Variants in NAV3 observed in about 807,000 individuals in gnomAD.
NAV3 encodes neuron navigator 3.
In NAV3, 87 loss-of-function variants were observed where a neutral mutation model predicts 244.7. That is an observed-to-expected ratio of 0.36 (90% confidence interval 0.30 to 0.42). The LOEUF is 0.42. Ranked by LOEUF, NAV3 falls within the 20% of genes least tolerant of loss-of-function variation. The probability of loss-of-function intolerance (pLI) is 1.00; values close to 1 mark genes in which losing one functional copy is unlikely to be tolerated. For synonymous variants in NAV3, 1,126 were observed against 1,042.2 expected (o/e 1.08, Z -1.55); for missense variants, 2,663 against 2,893.3 (o/e 0.92, Z 1.83).
At chr12:77,842,267 G>T (rs1444060602) in intron 1 of NAV3, among the ~76,000 whole-genome samples, 3 of 151,982 alleles carry the variant, frequency 2.0e-5, no homozygotes, top group Non-Finnish European at 2.9e-5. Flanking sequence ...CATATAAAAA[G>T]CTCACTGTGG....
intron 1 of NAV3, among the ~76,000 whole-genome samples, chr12:77,860,559 TC>T (rs1879118399): frequency 6.6e-6 from 1 of 151,852 alleles, no homozygotes; most frequent in Non-Finnish European, 1.5e-5. Context: ...AATAGCCATC[TC>T]TAAAGTAGTG....
Position 78,188,616 on chromosome 12 carries a change from T to C in NAV3, c.5894T>C (p.Val1965Ala), listed in dbSNP as rs2139850052. ...GVIRRLFKEY[V>A]FRIDTSTSLG... ...TTGTGTGTACCATTGTAGGAATATGTATTCCGAATTGATACATCCACTAGC... is the reference window on the plus strand; with the variant it reads ...TTGTGTGTACCATTGTAGGAATATGCATTCCGAATTGATACATCCACTAGC... Residue 1965 changes from valine (V) to alanine (A), a missense_variant, in exon 33 of 40, where the codon GTA becomes GCA. Val to Ala is a moderately conservative substitution (Grantham distance 64). This residue lies in a region of NAV3 where 543 missense variants were observed against 672.4 expected (regional missense o/e 0.81). Coordinates refer to ENST00000397909, the MANE Select transcript of NAV3 (RefSeq NM_001024383.2). 1 of 1,610,600 alleles carries C rather than the reference T, an allele frequency of 6.2e-7. No homozygotes were observed. The highest frequency in any genetic ancestry group is 8.5e-7 in the Non-Finnish European group (1 of 1,178,352).
intron 39 of NAV3, among the ~76,000 whole-genome samples, chr12:78,208,231 C>A (rs1382169306): frequency 6.6e-6 from 1 of 152,054 alleles, no homozygotes; most frequent in Non-Finnish European, 1.5e-5. Flanking sequence ...CTTTAATAAC[C>A]TGCTCTCGCA....
chr12:78,164,633 G>T (rs1957703370), intron 23 of NAV3, among the ~76,000 whole-genome samples: 1 of 151,948 alleles, frequency 6.6e-6, no homozygotes, highest in Non-Finnish European at 1.5e-5. Flanking sequence ...TTACACTACT[G>T]GTATTTGGTC....
At chr12:77,894,993 T>G (rs1884407559) in intron 1 of NAV3, among the ~76,000 whole-genome samples, 1 of 152,224 alleles carries the variant, frequency 6.6e-6, no homozygotes, top group Non-Finnish European at 1.5e-5. Context: ...ATCCCTATTT[T>G]CTTGACTTCA....
At chr12:78,111,533 C>T (rs1955091850) in intron 12 of NAV3, among the ~76,000 whole-genome samples, 1 of 152,034 alleles carries the variant, frequency 6.6e-6, no homozygotes, top group Non-Finnish European at 1.5e-5. Context: ...CGTTAGTCAT[C>T]AGAGAAATAC....
At chr12:77,857,998 T>G (rs1198967282) in intron 1 of NAV3, among the ~76,000 whole-genome samples, 1 of 152,076 alleles carries the variant, frequency 6.6e-6, no homozygotes, top group East Asian at 1.9e-4. Context: ...CCATGCAATT[T>G]GCCAAGAAAA....
chr12:77,928,115 C>A (rs975987807), intron 1 of NAV3, among the ~76,000 whole-genome samples: 1 of 147,998 alleles, frequency 6.8e-6, no homozygotes, highest in African/African-American at 2.5e-5. Flanking sequence ...CCCAGCTACT[C>A]GGGAGACTGA....
intron 12 of NAV3, among the ~76,000 whole-genome samples, chr12:78,111,079 T>C (rs1178202226): frequency 2.6e-5 from 4 of 151,904 alleles, no homozygotes; most frequent in East Asian, 1.9e-4. Flanking sequence ...TGTAAACATA[T>C]AGTTAAAAGA....
intron 1 of NAV3, among the ~76,000 whole-genome samples, chr12:77,903,198 C>A (rs925669785): frequency 6.6e-6 from 1 of 152,030 alleles, no homozygotes; most frequent in Non-Finnish European, 1.5e-5. Context: ...CAATCCTAAG[C>A]CAAAAGAACA....
At chr12:78,187,815 G>A (rs542623031) in intron 31 of NAV3, among the ~76,000 whole-genome samples, 30 of 151,928 alleles carry the variant, frequency 2.0e-4, no homozygotes, top group Non-Finnish European at 3.7e-4. Flanking sequence ...TCACAAAATA[G>A]TAAGATAAAG....
intron 1 of NAV3, among the ~76,000 whole-genome samples, chr12:77,844,196 T>G (rs953618293): frequency 1.2e-4 from 18 of 152,190 alleles, no homozygotes; most frequent in Admixed American, 3.3e-4. Flanking sequence ...TGGTGTCTGG[T>G]AAGGGCTAAC....
intron 39 of NAV3, among the ~76,000 whole-genome samples, chr12:78,208,269 G>A (rs1335583910): frequency 6.6e-6 from 1 of 152,064 alleles, no homozygotes; most frequent in Non-Finnish European, 1.5e-5. Context: ...CCTCCAGAGT[G>A]AGAACTCACT....
intron 2 of NAV3, among the ~76,000 whole-genome samples, chr12:77,652,591 A>C (rs1872877423): frequency 6.6e-6 from 1 of 152,234 alleles, no homozygotes; most frequent in Non-Finnish European, 1.5e-5. Flanking sequence ...TACATTTATC[A>C]AAATGTACCC....
chr12:77,626,511 C>A (rs1871629817), intron 2 of NAV3, among the ~76,000 whole-genome samples: 1 of 152,058 alleles, frequency 6.6e-6, no homozygotes, highest in Admixed American at 6.5e-5. Flanking sequence ...CATAGTCAAA[C>A]TGTCAAAAGT....
At position 77,593,272 on chromosome 12, in the gene NAV3, A is replaced by ATGTG. The variant is rs1482728012; in HGVS notation, c.72+21010_72+21013dup. Among the ~76,000 whole-genome samples the ATGTG allele has an allele frequency of 8.8e-5, 4 of 45,576 alleles. No homozygotes were observed. In the Admixed American group the frequency reaches 1.1e-3, roughly 12 times the overall value. The allele number at this position is 45,576 out of a possible 152,430, so 29.9% of individuals were successfully genotyped here. On this transcript the variant is annotated intron_variant, in intron 2 of 8. Transcript: ENST00000550042. ...GGTATATATATGTATGAGTGTGTGT[A>ATGTG]TGTGTGTCTGTGTGTGTGTGTGTGT...
At chr12:78,102,782 G>A (rs747436545) in intron 12 of NAV3, among the ~76,000 whole-genome samples, 1 of 152,194 alleles carries the variant, frequency 6.6e-6, no homozygotes, top group Non-Finnish European at 1.5e-5. Flanking sequence ...AAGGTTTGGG[G>A]CTTGCACCCT....
At position 77,790,976 on chromosome 12, in the gene NAV3, A is replaced by G. The variant is rs552344232; in HGVS notation, c.73-149343A>G. Among the ~76,000 whole-genome samples, 6 of 152,260 alleles carry G rather than the reference A, an allele frequency of 3.9e-5. No homozygotes were observed. The East Asian group carries it at 1.2e-3, about 29-fold the overall frequency. ...ATGCCCTTTTAGTGTTTTCCCTCAAAGGAGAAGGAAAACGAAACAACAACA... is the reference window on the plus strand; with the variant it reads ...ATGCCCTTTTAGTGTTTTCCCTCAAGGGAGAAGGAAAACGAAACAACAACA... On this transcript the variant is annotated intron_variant, in intron 2 of 8. Transcript: ENST00000550042.
At chr12:77,750,183 C>A (rs895005731) in intron 2 of NAV3, among the ~76,000 whole-genome samples, 1 of 152,136 alleles carries the variant, frequency 6.6e-6, no homozygotes, top group African/African-American at 2.4e-5. Context: ...GAAACCCCAT[C>A]TCTACTAAAA....
Sources: gnomAD v4.1 joint callset for allele counts (sites outside exome capture counted in the v4.1 genomes callset) on GRCh38, gnomAD v4.1.1 for gene constraint, gnomAD v4.1.1 regional missense constraint, MANE v1.5 for transcripts, NCBI Gene and HGNC (gene_info 2026-07-23, HGNC 2026-07-21) for gene names.